FASTKD1: variants seen among roughly 807,000 people sequenced by gnomAD.
FASTKD1 encodes the protein FAST kinase domains 1.
In FASTKD1, 94 loss-of-function variants were observed where a neutral mutation model predicts 90.9. That is an observed-to-expected ratio of 1.03 (90% CI 0.88 to 1.23). The LOEUF (loss-of-function observed/expected upper bound fraction) is 1.23, where lower values mean the gene tolerates loss of function less well. Among genes scored for constraint, FASTKD1 ranks in the 50% most tolerant of loss-of-function variants. FASTKD1 has a pLI of 0.00. For synonymous variants in FASTKD1, 319 were observed against 345.8 expected (o/e 0.92, Z 0.86); for missense variants, 945 against 993.5 (o/e 0.95, Z 0.66).
At chr2:169,531,246 G>A in intron 13 of FASTKD1, 106 bp downstream of exon 13, 1 of 1,160,760 alleles carries the variant, frequency 8.6e-7, no homozygotes, top group South Asian at 1.2e-5. Context: ...CATGACATAT[G>A]AGGAACAGAT....
chr2:169,533,142 T>C (rs74614083), intron 12 of FASTKD1, among the ~76,000 whole-genome samples: 5,046 of 152,304 alleles, frequency 0.033, 126 homozygotes, highest in Non-Finnish European at 0.051. Context: ...ATCTAAAATT[T>C]CCCATCTGTC....
At chr2:169,559,222 C>G (rs906089617) in intron 5 of FASTKD1, among the ~76,000 whole-genome samples, 1 of 151,158 alleles carries the variant, frequency 6.6e-6, no homozygotes, top group Non-Finnish European at 1.5e-5. Context: ...ATCCACCTGC[C>G]TTGGCCTCCC....
At chr2:169,559,838 T>C (rs924901617) in intron 5 of FASTKD1, among the ~76,000 whole-genome samples, 17 of 152,272 alleles carry the variant, frequency 1.1e-4, no homozygotes, top group Admixed American at 8.5e-4. Context: ...TATGTTAATT[T>C]AATATTTGCT....
At chr2:169,530,816 AATGAGT>A (rs1278194757) in intron 13 of FASTKD1, 115 bp from the exon 14 acceptor site, 2 of 657,334 alleles carry the variant, frequency 3.0e-6, no homozygotes, top group Non-Finnish European at 5.4e-6. Flanking sequence ...AATGAATATA[AATGAGT>A]ATATCAAGTT....
intron 3 of FASTKD1, among the ~76,000 whole-genome samples, chr2:169,564,180 A>G (rs1683848532): frequency 6.6e-6 from 1 of 152,210 alleles, no homozygotes; most frequent in African/African-American, 2.4e-5. Context: ...AAGAAACAAA[A>G]AAATTTAAGA....
intron 6 of FASTKD1, among the ~76,000 whole-genome samples, chr2:169,556,822 G>C (rs562747420): frequency 8.0e-6 from 1 of 124,856 alleles, no homozygotes; most frequent in Non-Finnish European, 1.8e-5. Context: ...GCAAGACTCT[G>C]TCTCAAAAAC....
chr2:169,561,748 A>ATAAATTATTCATTAATTTATTG (rs1683622966), intron 4 of FASTKD1, among the ~76,000 whole-genome samples: 1 of 74,286 alleles, frequency 1.3e-5, no homozygotes, highest in African/African-American at 4.2e-5. Flanking sequence ...ATTATTCATT[A>ATAAATTATTCATTAATTTATTG]TAAATTATTT....
At chr2:169,548,113 C>T (rs943851210) in intron 7 of FASTKD1, among the ~76,000 whole-genome samples, 1 of 151,430 alleles carries the variant, frequency 6.6e-6, no homozygotes, top group East Asian at 1.9e-4. Context: ...GAAGCACAGG[C>T]CAAAATTTTT....
intron 11 of FASTKD1, among the ~76,000 whole-genome samples, chr2:169,537,680 C>G (rs910556323): frequency 6.6e-6 from 1 of 152,090 alleles, no homozygotes; most frequent in African/African-American, 2.4e-5. Context: ...GCCACCGCGC[C>G]CGGACTTAAT....
intron 4 of FASTKD1, among the ~76,000 whole-genome samples, chr2:169,561,827 T>C (rs1262790494): frequency 6.9e-6 from 1 of 145,346 alleles, no homozygotes; most frequent in African/African-American, 2.5e-5. Flanking sequence ...AATTATTTAT[T>C]AATTTATTGT....
chr2:169,530,495 G>A (rs1684429936), intron 14 of FASTKD1, 92 bp downstream of exon 14: 1 of 706,906 alleles, frequency 1.4e-6, no homozygotes, highest in Non-Finnish European at 2.4e-6. Context: ...TATTTAAAAA[G>A]GTAATTCTGG....
At chr2:169,536,298 C>A (rs982197355) in intron 12 of FASTKD1, among the ~76,000 whole-genome samples, 6 of 152,084 alleles carry the variant, frequency 3.9e-5, no homozygotes, top group Non-Finnish European at 7.4e-5. Context: ...CAATCCTAGT[C>A]CTCTCTAGTT....
chr2:169,567,042 G>A (rs1248010536), intron 3 of FASTKD1, among the ~76,000 whole-genome samples: 3 of 152,012 alleles, frequency 2.0e-5, no homozygotes, highest in South Asian at 4.1e-4. Context: ...TTGAACCCAG[G>A]AGGCGGAGCT....
chr2:169,568,424 T>G (rs1164543274), intron 3 of FASTKD1, among the ~76,000 whole-genome samples: 1 of 151,860 alleles, frequency 6.6e-6, no homozygotes, highest in Non-Finnish European at 1.5e-5. Flanking sequence ...ATATTTCAAC[T>G]AATTACATGT....
rs760265979 is a variant in FASTKD1, at chr2:169,557,280, A to C, written c.989T>G (p.Leu330Ter). The C allele has an allele frequency of 4.8e-5, 76 of 1,595,280 alleles. No individual in the cohort carries two copies. The highest frequency in any genetic ancestry group is 6.3e-5 in the Non-Finnish European group (74 of 1,172,916). The change falls in exon 6 of 15, where the codon TTA becomes TGA. Residue 330 changes from leucine to a stop codon, truncating the protein, a stop_gained. Transcript: ENST00000453153. LOFTEE classifies it high-confidence loss of function. ...GCCAGTTAGGTCCTCTGACATCAAT[A>C]ACATAGTTGATTTAAGTCTAGAAGC... ...EEKKQLKSTM[L>*]LMSEDLTGEQ...
intron 14 of FASTKD1, 42 bp downstream of exon 14, chr2:169,530,545 C>A (rs1299471099): frequency 8.9e-7 from 1 of 1,126,324 alleles, no homozygotes; most frequent in Non-Finnish European, 1.3e-6. Context: ...CAGCTAGTGT[C>A]TCTGGGCTTT....
chr2:169,557,922 T>C (rs1193736984), intron 5 of FASTKD1, among the ~76,000 whole-genome samples: 1 of 152,218 alleles, frequency 6.6e-6, no homozygotes, highest in Non-Finnish European at 1.5e-5. Flanking sequence ...GATAAACTAA[T>C]TGTCTATTCA....
intron 3 of FASTKD1, among the ~76,000 whole-genome samples, chr2:169,564,448 G>T (rs940241108): frequency 4.0e-5 from 6 of 151,782 alleles, no homozygotes; most frequent in African/African-American, 1.5e-4. Flanking sequence ...TTTTTTGTGG[G>T]TACATAGTAG....
At chr2:169,554,000 G>C (rs1304443891) in intron 7 of FASTKD1, among the ~76,000 whole-genome samples, 2 of 151,832 alleles carry the variant, frequency 1.3e-5, no homozygotes, top group Non-Finnish European at 2.9e-5. Context: ...AGCTACTCAG[G>C]AGGCTGAGGT....
Sources: gnomAD v4.1 joint callset for allele counts (sites outside exome capture counted in the v4.1 genomes callset) on GRCh38, gnomAD v4.1.1 for gene constraint, MANE v1.5 for transcripts, NCBI Gene and HGNC (gene_info 2026-07-23, HGNC 2026-07-21) for gene names.